The following COL24A1 variants were observed in gnomAD, a reference collection of about 807,000 sequenced individuals.
The protein encoded by COL24A1 is collagen type XXIV alpha 1 chain.
A neutral mutation model predicts 253.9 loss-of-function variants in COL24A1; 224 were observed. That is an observed-to-expected ratio of 0.88 (90% CI 0.79 to 0.99). The LOEUF is 0.99. Ranked by LOEUF, COL24A1 falls within the 50% of genes least tolerant of loss-of-function variation. The pLI is 0.00. For synonymous variants in COL24A1, 685 were observed against 673.7 expected (o/e 1.02, Z -0.26); for missense variants, 2,131 against 2,068.5 (o/e 1.03, Z -0.59).
intron 37 of COL24A1, among the ~76,000 whole-genome samples, chr1:85,851,538 T>G (rs1025236264): frequency 2.6e-5 from 4 of 152,150 alleles, no homozygotes; most frequent in Non-Finnish European, 4.4e-5. Flanking sequence ...TTCTCCAAAG[T>G]GATTTTGCCA....
intron 32 of COL24A1, among the ~76,000 whole-genome samples, chr1:85,879,962 G>A (rs966667167): frequency 6.6e-6 from 1 of 152,170 alleles, no homozygotes; most frequent in African/African-American, 2.4e-5. Flanking sequence ...TGAAGTCAGT[G>A]TCAGTTCTCC....
At chr1:86,101,937 G>C (rs910097462) in intron 5 of COL24A1, among the ~76,000 whole-genome samples, 1 of 151,876 alleles carries the variant, frequency 6.6e-6, no homozygotes. Flanking sequence ...CAAATTTTTG[G>C]AATAGTTTCA....
At chr1:86,136,943 C>T (rs529486159) in intron 2 of COL24A1, among the ~76,000 whole-genome samples, 13 of 151,900 alleles carry the variant, frequency 8.6e-5, no homozygotes, top group African/African-American at 3.1e-4. Flanking sequence ...GATTAAAGAA[C>T]ACTTAAGGGT....
At chr1:85,879,236 T>G (rs904163147) in intron 32 of COL24A1, among the ~76,000 whole-genome samples, 1 of 133,208 alleles carries the variant, frequency 7.5e-6, no homozygotes, top group Non-Finnish European at 1.6e-5. Flanking sequence ...AGTCTATGAT[T>G]CATTTTGAGG....
intron 39 of COL24A1, among the ~76,000 whole-genome samples, chr1:85,845,033 A>G (rs1677021162): frequency 6.6e-6 from 1 of 151,988 alleles, no homozygotes; most frequent in South Asian, 2.1e-4. Context: ...CGATGGAATG[A>G]AGAAATAGGC....
At chr1:86,106,267 G>A (rs1428899581) in intron 5 of COL24A1, among the ~76,000 whole-genome samples, 2 of 151,844 alleles carry the variant, frequency 1.3e-5, no homozygotes, top group African/African-American at 4.8e-5. Flanking sequence ...ATAGAACATA[G>A]CACTAAGATA....
chr1:85,854,686 C>G (rs1678219254), intron 37 of COL24A1, among the ~76,000 whole-genome samples: 1 of 150,936 alleles, frequency 6.6e-6, no homozygotes, highest in African/African-American at 2.4e-5. Context: ...TTTCACCTCC[C>G]TGGTTACTGT....
chr1:85,830,729 T>G lies in COL24A1; in HGVS notation c.3682-6991A>C, dbSNP rs184375242. Reference sequence around the variant, plus strand: ...TCTTTCTTTGACTAGGAAAGGGAACTCCCTGACCCCTTGCGCTTGCCGAGT... The same window carrying G: ...TCTTTCTTTGACTAGGAAAGGGAACGCCCTGACCCCTTGCGCTTGCCGAGT... On this transcript the variant is annotated intron_variant, in intron 43 of 59. Coordinates refer to ENST00000370571, the MANE Select transcript of COL24A1 (RefSeq NM_152890.7). Among the ~76,000 whole-genome samples the G allele has an allele frequency of 4.4e-3, 664 of 152,262 alleles. 3 individuals carry two copies. The highest frequency in any genetic ancestry group is 7.7e-3 in the Non-Finnish European group (524 of 68,000).
At chr1:85,972,494 T>C (rs1294619670) in intron 20 of COL24A1, among the ~76,000 whole-genome samples, 1 of 152,216 alleles carries the variant, frequency 6.6e-6, no homozygotes, top group Non-Finnish European at 1.5e-5. Flanking sequence ...AACTTTTTAA[T>C]GAAGCTTTCT....
At position 85,877,195 on chromosome 1, in the gene COL24A1, A is replaced by G. The variant is rs1314252457; in HGVS notation, c.2977-20T>C. On this transcript the variant is annotated intron_variant, in intron 32 of 59. Transcript: ENST00000370571. The stretch of plus-strand genomic sequence containing the variant: ...CAGTCCCTATATTAAAATAAAATTT[A>G]AGATATGAGAATAAAAGTTTACTCT... 6.4e-7 allele frequency: 1 copy of G among 1,562,076 alleles called. No homozygotes were observed. Among genetic ancestry groups the G allele is most frequent in the Non-Finnish European group, 8.7e-7 (1 of 1,152,264 alleles).
intron 57 of COL24A1, among the ~76,000 whole-genome samples, chr1:85,739,567 C>T (rs1664392570): frequency 6.6e-6 from 1 of 152,200 alleles, no homozygotes; most frequent in Non-Finnish European, 1.5e-5. Flanking sequence ...TCCCTGAAAA[C>T]ACTCCATATT....
intron 7 of COL24A1, among the ~76,000 whole-genome samples, chr1:86,080,492 C>T (rs1321858723): frequency 6.6e-6 from 1 of 152,000 alleles, no homozygotes; most frequent in East Asian, 1.9e-4. Flanking sequence ...TCCAATTTTC[C>T]ATGATGTGAT....
chr1:85,862,417 G>GA, intron 37 of COL24A1, among the ~76,000 whole-genome samples: 1 of 96,910 alleles, frequency 1.0e-5, no homozygotes. Flanking sequence ...TACTTCCAAA[G>GA]AAAATCTACG....
intron 37 of COL24A1, among the ~76,000 whole-genome samples, chr1:85,852,243 A>C (rs1159574010): frequency 1.3e-5 from 2 of 152,180 alleles, no homozygotes; most frequent in Non-Finnish European, 2.9e-5. Flanking sequence ...ATCAAAAATC[A>C]AGTTTCAAAA....
chr1:85,818,215 T>C, intron 45 of COL24A1, 128 bp from the exon 46 acceptor site: 1 of 643,494 alleles, frequency 1.6e-6, no homozygotes, highest in South Asian at 2.2e-5. Flanking sequence ...ATCATTAGGA[T>C]TGCCATTTAA....
In COL24A1 at chr1:85,876,326, T is replaced by C. The variant is rs2102609869; in HGVS notation, c.3030+796A>G. 2.0e-5 allele frequency among the ~76,000 whole-genome samples: 3 copies of C among 152,264 alleles called. 1 individual carries two copies. In the South Asian group the frequency reaches 6.2e-4, roughly 32 times the overall value. Reference sequence around the variant, plus strand: ...ATTAGGTAGAAGAAGGAGTCTAGGATGACTCTTAGTTTTGGGTTATTGGGT... The same window carrying C: ...ATTAGGTAGAAGAAGGAGTCTAGGACGACTCTTAGTTTTGGGTTATTGGGT... On this transcript the variant is annotated intron_variant, in intron 33 of 59. Transcript: ENST00000370571.
intron 2 of COL24A1, among the ~76,000 whole-genome samples, chr1:86,132,781 G>A (rs1235149844): frequency 6.6e-6 from 1 of 152,188 alleles, no homozygotes; most frequent in Non-Finnish European, 1.5e-5. Flanking sequence ...TTGTGGTATA[G>A]TTTGAAGTCA....
chr1:86,076,158 C>A (rs1702227908), intron 7 of COL24A1, among the ~76,000 whole-genome samples: 1 of 152,114 alleles, frequency 6.6e-6, no homozygotes, highest in African/African-American at 2.4e-5. Context: ...TCACCTCAGC[C>A]CCAAATCTCC....
chr1:85,858,621 C>T (rs61785060), intron 37 of COL24A1, among the ~76,000 whole-genome samples: 25 of 113,362 alleles, frequency 2.2e-4, no homozygotes, highest in East Asian at 5.9e-4. Flanking sequence ...TATTTTCTCC[C>T]TCCTTCCTTC....
Sources: allele counts gnomAD v4.1 joint callset (sites outside exome capture counted in the v4.1 genomes callset), GRCh38; gene constraint gnomAD v4.1.1; transcripts MANE v1.5; gene names NCBI Gene and HGNC (gene_info 2026-07-23, HGNC 2026-07-21).